Variants in ROBO1 observed in about 807,000 individuals in gnomAD.
ROBO1 encodes roundabout guidance receptor 1.
ROBO1 carries 149 observed loss-of-function variants against 195.9 expected under a neutral mutation model. The observed-to-expected ratio is 0.76, with a 90% CI of 0.67 to 0.87. The LOEUF (loss-of-function observed/expected upper bound fraction) is 0.87, where lower values mean the gene tolerates loss of function less well. ROBO1 is among the 40% of genes least tolerant of loss of function. The pLI is 0.00. For synonymous variants in ROBO1, 816 were observed against 733.2 expected, an observed-to-expected ratio of 1.11 and a Z score of -1.82; for missense variants, 1,933 against 2,068.3, an observed-to-expected ratio of 0.93 and a Z score of 1.27.
chr3:79,040,931 TC>T (rs2078476903), intron 3 of ROBO1, among the ~76,000 whole-genome samples: 1 of 152,196 alleles, frequency 6.6e-6, no homozygotes, highest in Non-Finnish European at 1.5e-5. Context: ...GTCTGACTCT[TC>T]ACAGCCTGAC....
In ROBO1 at chr3:79,636,018, T is replaced by C. The variant is rs957293915; in HGVS notation, c.-50-46057A>G. Among the ~76,000 whole-genome samples, 61 of 152,272 alleles carry C rather than the reference T, an allele frequency of 4.0e-4. 1 individual carries two copies. The highest frequency in any genetic ancestry group is 1.3e-3 in the African/African-American group (56 of 41,564). ...ACTTCTGTTACGTTTGTTATGCCAG[T>C]AGTCTTTCTCGCCACCATTATTTAT... On this transcript the variant is annotated intron_variant, in intron 1 of 30. Transcript: ENST00000464233.
intron 3 of ROBO1, among the ~76,000 whole-genome samples, chr3:79,090,077 C>T (rs1255611433): frequency 3.3e-5 from 5 of 151,732 alleles, no homozygotes; most frequent in Non-Finnish European, 7.4e-5. Context: ...GTAGCTAGGA[C>T]TACAGGCATG....
intron 3 of ROBO1, among the ~76,000 whole-genome samples, chr3:78,954,516 T>C (rs893669874): frequency 1.3e-5 from 2 of 152,050 alleles, no homozygotes; most frequent in African/African-American, 4.8e-5. Flanking sequence ...TAATATAATA[T>C]AGTAGCTTAT....
chr3:79,111,063 T>A (rs1279555545), intron 3 of ROBO1, among the ~76,000 whole-genome samples: 3 of 152,156 alleles, frequency 2.0e-5, no homozygotes, highest in Non-Finnish European at 4.4e-5. Context: ...TACAATAGAC[T>A]ATTATGACTT....
At chr3:78,890,311 GT>G (rs539886992) in intron 4 of ROBO1, among the ~76,000 whole-genome samples, 123 of 152,088 alleles carry the variant, frequency 8.1e-4, no homozygotes, top group Non-Finnish European at 1.4e-3. Context: ...GTAGGTGGAA[GT>G]GAGTCCTTTG....
chr3:79,469,573 C>G (rs1344771538), intron 2 of ROBO1, among the ~76,000 whole-genome samples: 2 of 152,098 alleles, frequency 1.3e-5, no homozygotes, highest in East Asian at 3.9e-4. Context: ...AAATCTCAAC[C>G]CTGCCGTACA....
intron 26 of ROBO1, among the ~76,000 whole-genome samples, chr3:78,623,879 A>G (rs1193277184): frequency 1.3e-5 from 2 of 152,208 alleles, no homozygotes; most frequent in Non-Finnish European, 2.9e-5. Flanking sequence ...CTATGAGTGT[A>G]CCATTAGGGA....
chr3:79,664,030 T>G (rs188624913), intron 1 of ROBO1, among the ~76,000 whole-genome samples: 2 of 152,114 alleles, frequency 1.3e-5, no homozygotes, highest in Non-Finnish European at 2.9e-5. Flanking sequence ...CAATTCTGAA[T>G]TACTTTTCTG....
intron 2 of ROBO1, among the ~76,000 whole-genome samples, chr3:79,346,468 A>C (rs2035124265): frequency 6.6e-6 from 1 of 152,126 alleles, no homozygotes; most frequent in Non-Finnish European, 1.5e-5. Flanking sequence ...GCTTCATTTT[A>C]TATGGGTTTT....
chr3:78,842,666 T>C (rs898988730), intron 4 of ROBO1, among the ~76,000 whole-genome samples: 6 of 150,746 alleles, frequency 4.0e-5, no homozygotes, highest in East Asian at 1.9e-4. Context: ...AAAGGGAATG[T>C]ACATTAAAAG....
At chr3:79,147,592 T>C (rs920856001) in intron 2 of ROBO1, among the ~76,000 whole-genome samples, 1 of 151,962 alleles carries the variant, frequency 6.6e-6, no homozygotes, top group Non-Finnish European at 1.5e-5. Context: ...GCCAGCATCA[T>C]TTTGTTAAGT....
At chr3:78,711,372 TTCCTTCCTTC>T (rs2081712904) in intron 8 of ROBO1, among the ~76,000 whole-genome samples, 1 of 27,764 alleles carries the variant, frequency 3.6e-5, no homozygotes, top group African/African-American at 1.6e-4. Flanking sequence ...CCTTCCTTCC[TTCCTTCCTTC>T]CTTCCTTCCT....
At chr3:78,901,662 C>G (rs146673442) in intron 4 of ROBO1, among the ~76,000 whole-genome samples, 13 of 152,070 alleles carry the variant, frequency 8.5e-5, no homozygotes, top group Admixed American at 8.5e-4. Flanking sequence ...CTAACAGGAG[C>G]GATTTAAATC....
chr3:79,238,571 T>A (rs1039759257), intron 2 of ROBO1, among the ~76,000 whole-genome samples: 6 of 152,186 alleles, frequency 3.9e-5, no homozygotes, highest in African/African-American at 2.4e-5. Context: ...ATTTATAAAG[T>A]GGAGATAGTA....
intron 8 of ROBO1, among the ~76,000 whole-genome samples, chr3:78,697,301 T>C (rs1359148227): frequency 6.6e-6 from 1 of 152,136 alleles, no homozygotes; most frequent in Non-Finnish European, 1.5e-5. Flanking sequence ...ATTCCTCTTT[T>C]ATCTTCCAGC....
intron 2 of ROBO1, among the ~76,000 whole-genome samples, chr3:79,389,164 C>T (rs901773524): frequency 3.3e-5 from 5 of 151,638 alleles, no homozygotes; most frequent in East Asian, 3.9e-4. Context: ...AAATAATGCT[C>T]AATAAAATAG....
chr3:79,700,804 C>T (rs1175062099), intron 1 of ROBO1, among the ~76,000 whole-genome samples: 1 of 151,782 alleles, frequency 6.6e-6, no homozygotes, highest in Non-Finnish European at 1.5e-5. Context: ...TGAATATTTT[C>T]TCCCATTCTG....
chr3:79,429,033 G>A (rs894491254), intron 2 of ROBO1, among the ~76,000 whole-genome samples: 4 of 152,128 alleles, frequency 2.6e-5, no homozygotes, highest in Non-Finnish European at 4.4e-5. Flanking sequence ...AATTATGGTG[G>A]TGGTTACATC....
intron 23 of ROBO1, 73 bp from the exon 24 acceptor site, chr3:78,634,115 CTA>C (rs2107522898): frequency 1.0e-6 from 1 of 996,442 alleles, no homozygotes; most frequent in East Asian, 2.5e-5. Context: ...TCTGCTTTCT[CTA>C]TATTTCTGAG....
Sources: gnomAD v4.1 joint callset for allele counts (sites outside exome capture counted in the v4.1 genomes callset) on GRCh38, gnomAD v4.1.1 for gene constraint, MANE v1.5 for transcripts, NCBI Gene and HGNC (gene_info 2026-07-23, HGNC 2026-07-21) for gene names.